Variants in ZNF704 observed in about 807,000 individuals in gnomAD.
ZNF704 encodes zinc finger protein 704, also known as glucocorticoid induced gene 1.
A neutral mutation model predicts 44.7 loss-of-function variants in ZNF704; 10 were observed. The ratio of observed to expected loss-of-function variants is 0.22; its 90% CI spans 0.14 to 0.38. The LOEUF (loss-of-function observed/expected upper bound fraction) is 0.38. ZNF704 is among the 10% of genes least tolerant of loss of function. The probability of loss-of-function intolerance (pLI) is 1.00; values close to 1 mark genes in which losing one functional copy is unlikely to be tolerated. For synonymous variants in ZNF704, 211 were observed against 207.6 expected (o/e 1.02, Z -0.14); for missense variants, 390 against 545.5 (o/e 0.71, Z 2.84).
chr8:80,841,070 C>T (rs1808669796), intron 1 of ZNF704, among the ~76,000 whole-genome samples: 2 of 152,204 alleles, frequency 1.3e-5, no homozygotes, highest in African/African-American at 2.4e-5. Flanking sequence ...TCTGAGCTAG[C>T]AAGAATACCC....
At chr8:80,835,716 ACT>A (rs1180192938) in intron 1 of ZNF704, among the ~76,000 whole-genome samples, 3 of 152,170 alleles carry the variant, frequency 2.0e-5, no homozygotes, top group Admixed American at 1.3e-4. Context: ...TGGCATAGTG[ACT>A]CTTTCACAGG....
chr8:80,662,192 T>A (rs969591753), intron 6 of ZNF704, among the ~76,000 whole-genome samples: 1 of 152,162 alleles, frequency 6.6e-6, no homozygotes, highest in Admixed American at 6.5e-5. Flanking sequence ...AACAGATCCC[T>A]TTTAAAAACT....
intron 2 of ZNF704, among the ~76,000 whole-genome samples, chr8:80,695,386 G>A (rs73693827): frequency 0.043 from 6,580 of 152,222 alleles, 502 homozygotes; most frequent in African/African-American, 0.15. Flanking sequence ...TCTTTCCAAC[G>A]GCCAGTCCAC....
intron 2 of ZNF704, chr8:80,694,349 G>A (rs1818691045): frequency 6.6e-6 from 1 of 152,158 alleles, no homozygotes; most frequent in Non-Finnish European, 1.5e-5. Flanking sequence ...GGTGACCGGA[G>A]TCAACTTGTT....
At chr8:80,832,590 G>A (rs1448227909) in intron 1 of ZNF704, among the ~76,000 whole-genome samples, 3 of 152,104 alleles carry the variant, frequency 2.0e-5, no homozygotes, top group Admixed American at 6.5e-5. Flanking sequence ...AGTTGGCTCC[G>A]GAGATTAACA....
intron 1 of ZNF704, among the ~76,000 whole-genome samples, chr8:80,840,407 A>G (rs111251494): frequency 1.1e-3 from 162 of 152,312 alleles, no homozygotes; most frequent in South Asian, 1.0e-3. Context: ...TCTTTTTCCA[A>G]TGTGGCCCAG....
In ZNF704 at chr8:80,629,434, A is replaced by G. The variant is rs1383191895; in HGVS notation, c.*11932T>C. The G allele has an allele frequency of 6.6e-6, 1 of 152,242 alleles. No homozygotes were observed. The highest frequency in any genetic ancestry group is 6.5e-5 in the Admixed American group (1 of 15,284). The allele number at this position is 152,242 out of a possible 1,614,324, so 9.4% of individuals were successfully genotyped here. A position where few individuals can be genotyped will look rare whatever the true frequency, so the allele number is the denominator to read the frequency against. The stretch of plus-strand genomic sequence containing the variant: ...TTTTTTCCCCCCGTATTTTACAAAC[A>G]GTTGAGAAACTTTCTCAATGGACAC... On this transcript the variant is annotated 3_prime_UTR_variant, in exon 9 of 9. Transcript: ENST00000327835.
At chr8:80,847,000 C>T (rs1808777377) in intron 1 of ZNF704, among the ~76,000 whole-genome samples, 1 of 152,036 alleles carries the variant, frequency 6.6e-6, no homozygotes, top group African/African-American at 2.4e-5. Context: ...TGGCGAAACC[C>T]TGTCTCTACT....
rs867164779 is a variant in ZNF704 at position 80,659,659 on chromosome 8, C to A, written c.958G>T (p.Ala320Ser). ...CTGCTGCCATTGGGGGTGAACTTGG[C>A]CGATCCTGGAATGGTCACAGGGGGT... ...ATPPVTIPGS[A>S]KFTPNGSSFS... Residue 320 changes from alanine (A) to serine (S), a missense_variant, in exon 7 of 9, where the codon GCC becomes TCC. This residue lies in a region of ZNF704 where 305 missense variants were observed against 435.7 expected (regional missense o/e 0.70). Transcript: ENST00000327835. 6.2e-7 allele frequency: 1 copy of A among 1,613,786 alleles called. No homozygotes were observed. The highest frequency in any genetic ancestry group is 8.5e-7 in the Non-Finnish European group (1 of 1,179,838).
the ZNF704 span, among the ~76,000 whole-genome samples, chr8:80,882,578 T>C: frequency 1.3e-5 from 2 of 152,230 alleles, no homozygotes; most frequent in Non-Finnish European, 2.9e-5. Context: ...GCTAATTCTT[T>C]AGATTTACAT....
intron 1 of ZNF704, among the ~76,000 whole-genome samples, chr8:80,834,524 T>G (rs76651836): frequency 2.1e-5 from 3 of 145,924 alleles, no homozygotes; most frequent in Admixed American, 6.8e-5. Context: ...TTGTTTGTTT[T>G]TGTTTTTTAC....
intron 1 of ZNF704, among the ~76,000 whole-genome samples, chr8:80,867,018 C>G (rs902072755): frequency 6.6e-6 from 1 of 152,088 alleles, no homozygotes; most frequent in Non-Finnish European, 1.5e-5. Context: ...CATGGTCAAC[C>G]AGTAGTAAAA....
chr8:80,779,449 T>C (rs557521456), intron 2 of ZNF704, among the ~76,000 whole-genome samples: 1 of 152,156 alleles, frequency 6.6e-6, no homozygotes, highest in Non-Finnish European at 1.5e-5. Flanking sequence ...AATCCTTTTA[T>C]GTCCTAGTCT....
At chr8:80,817,345 C>T (rs1217885590) in intron 2 of ZNF704, among the ~76,000 whole-genome samples, 1 of 152,230 alleles carries the variant, frequency 6.6e-6, no homozygotes, top group African/African-American at 2.4e-5. Context: ...CCACAGCTCC[C>T]ACATGCTGCT....
At chr8:80,853,328 A>G (rs973700553) in intron 1 of ZNF704, among the ~76,000 whole-genome samples, 1 of 152,242 alleles carries the variant, frequency 6.6e-6, no homozygotes, top group Non-Finnish European at 1.5e-5. Context: ...CGTTTGCACC[A>G]CTGCACTCCA....
intron 1 of ZNF704, among the ~76,000 whole-genome samples, chr8:80,850,095 ATATT>A (rs1278273148): frequency 3.9e-5 from 6 of 152,220 alleles, no homozygotes; most frequent in African/African-American, 1.2e-4. Context: ...ACTTTTATTT[ATATT>A]TACTTTTCCT....
intron 2 of ZNF704, among the ~76,000 whole-genome samples, chr8:80,800,294 C>T (rs947118324): frequency 2.0e-5 from 3 of 152,108 alleles, no homozygotes; most frequent in African/African-American, 7.2e-5. Flanking sequence ...GACAGGCCAA[C>T]ATTCAAATTC....
chr8:80,677,824 A>C (rs138838067), intron 4 of ZNF704, among the ~76,000 whole-genome samples: 1 of 152,342 alleles, frequency 6.6e-6, no homozygotes, highest in Non-Finnish European at 1.5e-5. Flanking sequence ...ATTTGTTTAA[A>C]TAGCACTTTG....
At chr8:80,651,801 T>A (rs1817924537) in intron 7 of ZNF704, among the ~76,000 whole-genome samples, 1 of 152,114 alleles carries the variant, frequency 6.6e-6, no homozygotes, top group South Asian at 2.1e-4. Flanking sequence ...TGAACTCAGC[T>A]CTGCACCAAG....
Sources: allele counts gnomAD v4.1 joint callset (sites outside exome capture counted in the v4.1 genomes callset), GRCh38; gene constraint gnomAD v4.1.1; regional missense constraint gnomAD v4.1.1; transcripts MANE v1.5; gene names NCBI Gene and HGNC (gene_info 2026-07-23, HGNC 2026-07-21).